FAM3C: variants seen among roughly 807,000 people sequenced by gnomAD.
The protein encoded by FAM3C is FAM3 metabolism regulating signaling molecule C, also known as protein FAM3C.
A neutral mutation model predicts 32.5 loss-of-function variants in FAM3C; 15 were observed. That is an observed-to-expected ratio of 0.46 (90% CI 0.31 to 0.71). FAM3C has a LOEUF of 0.71. Among genes scored for constraint, FAM3C ranks in the 30% least tolerant of loss-of-function variants. The probability of loss-of-function intolerance (pLI) is 0.05; values close to 1 mark genes in which losing one functional copy is unlikely to be tolerated. For missense variants in FAM3C, 175 were observed against 274.4 expected, an observed-to-expected ratio of 0.64 and a Z score of 2.56; for synonymous variants, 75 against 86.1, an observed-to-expected ratio of 0.87 and a Z score of 0.72.
intron 1 of FAM3C, among the ~76,000 whole-genome samples, chr7:121,386,024 G>A (rs1216562888): frequency 6.6e-6 from 1 of 152,098 alleles, no homozygotes; most frequent in East Asian, 1.9e-4. Context: ...AATATAAGAG[G>A]CTTGTTGACA....
intron 5 of FAM3C, chr7:121,364,683 C>T (rs1793990240): frequency 2.0e-5 from 3 of 152,748 alleles, no homozygotes; most frequent in Admixed American, 2.0e-4. Flanking sequence ...GTGATTATCA[C>T]TGTAAAGTTC....
At chr7:121,395,781 G>A (rs997527206) in intron 1 of FAM3C, among the ~76,000 whole-genome samples, 6 of 152,028 alleles carry the variant, frequency 3.9e-5, no homozygotes, top group Non-Finnish European at 7.4e-5. Context: ...CCCACCTCTC[G>A]GAGCTCTCAG....
chr7:121,367,544 T>C (rs1240438492), intron 5 of FAM3C, among the ~76,000 whole-genome samples: 1 of 152,150 alleles, frequency 6.6e-6, no homozygotes, highest in Non-Finnish European at 1.5e-5. Context: ...CTCAAAATAA[T>C]CTCATATTCT....
At chr7:121,357,429 T>C (rs1375835148) in intron 8 of FAM3C, among the ~76,000 whole-genome samples, 1 of 152,176 alleles carries the variant, frequency 6.6e-6, no homozygotes, top group East Asian at 1.9e-4. Context: ...TCTATTCATA[T>C]ATAAGAGAGG....
chr7:121,386,419 C>T (rs1371012505), intron 1 of FAM3C, among the ~76,000 whole-genome samples: 1 of 152,058 alleles, frequency 6.6e-6, no homozygotes, highest in Non-Finnish European at 1.5e-5. Flanking sequence ...CTTTGCCTAT[C>T]TTTAAACTGA....
At position 121,350,518 on chromosome 7, in the gene FAM3C, A is replaced by G; in HGVS notation, c.627T>C (p.Tyr209=). The G allele has an allele frequency of 6.2e-7, 1 of 1,612,956 alleles. No individual in the cohort carries two copies. The highest frequency in any genetic ancestry group is 8.5e-7 in the Non-Finnish European group (1 of 1,179,414). ...HIKNNKDTNK[Y]EGWPEVVEME... is the part of the protein sequence containing the mutation. The stretch of plus-strand genomic sequence containing the variant: ...TTTCTACAACTTCAGGCCATCCTTC[A>G]TATTTGTTTGTATCCTTATTGTTCT... Residue 209 remains tyrosine, a synonymous_variant, in exon 10 of 10, where the codon TAT becomes TAC. Transcript: ENST00000359943.
intron 3 of FAM3C, 97 bp from the exon 4 acceptor site, chr7:121,372,236 T>C: frequency 1.3e-6 from 1 of 769,100 alleles, no homozygotes; most frequent in Non-Finnish European, 2.2e-6. Flanking sequence ...AGTGTTCAAA[T>C]AATGATTCAG....
intron 8 of FAM3C, among the ~76,000 whole-genome samples, chr7:121,357,685 T>C (rs1240743245): frequency 6.6e-6 from 1 of 152,186 alleles, no homozygotes; most frequent in Non-Finnish European, 1.5e-5. Flanking sequence ...GAATCATATA[T>C]TGACCAAGTG....
At chr7:121,354,222 A>C (rs1793764895) in intron 8 of FAM3C, among the ~76,000 whole-genome samples, 1 of 152,170 alleles carries the variant, frequency 6.6e-6, no homozygotes, top group South Asian at 2.1e-4. Context: ...ATATAGCATA[A>C]AGGTTGGAGA....
chr7:121,367,386 T>G (rs1794042932), intron 5 of FAM3C, among the ~76,000 whole-genome samples: 1 of 152,214 alleles, frequency 6.6e-6, no homozygotes, highest in Non-Finnish European at 1.5e-5. Context: ...GTTTTTTGAT[T>G]TGTTTTACTA....
intron 8 of FAM3C, among the ~76,000 whole-genome samples, chr7:121,354,204 A>AT (rs1366532984): frequency 1.3e-5 from 2 of 152,210 alleles, no homozygotes; most frequent in African/African-American, 4.8e-5. Flanking sequence ...GGCAGCAAAT[A>AT]TATTTTTATA....
intron 2 of FAM3C, among the ~76,000 whole-genome samples, chr7:121,380,485 C>G (rs2116941665): frequency 6.6e-6 from 1 of 151,796 alleles, no homozygotes; most frequent in Middle Eastern, 3.4e-3. Context: ...TAAGCAAAAG[C>G]TAAACACTGA....
At position 121,351,895 on chromosome 7, in the gene FAM3C, C is replaced by A. The variant is rs370266721; in HGVS notation, c.468-626G>T. Reference sequence around the variant, plus strand: ...CAGAAGTCAACCACCAGGGAAACTACTAATTGAAAGATGTCCCTAAAAAAT... The same window carrying A: ...CAGAAGTCAACCACCAGGGAAACTAATAATTGAAAGATGTCCCTAAAAAAT... On this transcript the variant is annotated intron_variant, in intron 8 of 9. Transcript: ENST00000359943. 1.1e-4 allele frequency among the ~76,000 whole-genome samples: 16 copies of A among 152,234 alleles called. No homozygotes were observed. In the East Asian group the frequency reaches 2.7e-3, roughly 26 times the overall value.
chr7:121,393,283 G>A (rs959830594), intron 1 of FAM3C, among the ~76,000 whole-genome samples: 2 of 152,026 alleles, frequency 1.3e-5, no homozygotes, highest in Non-Finnish European at 1.5e-5. Context: ...GTAAGATCCC[G>A]TCTTTTAAGA....
At chr7:121,386,377 G>C (rs980833232) in intron 1 of FAM3C, among the ~76,000 whole-genome samples, 1 of 151,986 alleles carries the variant, frequency 6.6e-6, no homozygotes, top group Non-Finnish European at 1.5e-5. Flanking sequence ...CTAATAATAA[G>C]GGATTCTAAT....
intron 5 of FAM3C, among the ~76,000 whole-genome samples, chr7:121,367,377 T>C (rs1275833382): frequency 6.6e-6 from 1 of 152,156 alleles, no homozygotes; most frequent in Non-Finnish European, 1.5e-5. Context: ...TGCCAACTGG[T>C]TTTTTGATTT....
rs1793649096 is a variant in FAM3C, at chr7:121,349,301, T to C, written c.*1160A>G. ...TTATGTTCCAGTTTGAGATACTTCATACACAACATATATTTAATGCCCTGA... is the reference window on the plus strand; with the variant it reads ...TTATGTTCCAGTTTGAGATACTTCACACACAACATATATTTAATGCCCTGA... On this transcript the variant is annotated 3_prime_UTR_variant, in exon 10 of 10. Transcript: ENST00000359943. 1 of 152,294 alleles carries C rather than the reference T, an allele frequency of 6.6e-6. No individual in the cohort carries two copies. Among genetic ancestry groups the C allele is most frequent in the South Asian group, 2.1e-4 (1 of 4,828 alleles). 9.4% of individuals were successfully genotyped at this position (152,294 alleles called of 1,614,324 possible). A position where few individuals can be genotyped will look rare whatever the true frequency, so the allele number is the denominator to read the frequency against.
chr7:121,350,589 G>A (rs113353483), intron 9 of FAM3C, 39 bp from the exon 10 acceptor site: 29 of 1,591,100 alleles, frequency 1.8e-5, no homozygotes, highest in African/African-American at 8.1e-5. Flanking sequence ...TTAAAAAACC[G>A]TTGTAAACTG....
intron 8 of FAM3C, among the ~76,000 whole-genome samples, 164 bp downstream of exon 8, chr7:121,359,879 C>T (rs918566075): frequency 3.3e-5 from 5 of 151,840 alleles, no homozygotes; most frequent in African/African-American, 1.2e-4. Flanking sequence ...TAAACATTTA[C>T]ATATAAAACC....
Sources: gnomAD v4.1 joint callset for allele counts (sites outside exome capture counted in the v4.1 genomes callset) on GRCh38, gnomAD v4.1.1 for gene constraint, MANE v1.5 for transcripts, NCBI Gene and HGNC (gene_info 2026-07-23, HGNC 2026-07-21) for gene names.